Variants in PDE1C observed in about 807,000 individuals in gnomAD.
PDE1C encodes the protein dual specificity calcium/calmodulin-dependent 3',5'-cyclic nucleotide phosphodiesterase 1C.
A neutral mutation model predicts 93.1 loss-of-function variants in PDE1C; 62 were observed. That is an observed-to-expected ratio of 0.67 (90% CI 0.54 to 0.82). The LOEUF (loss-of-function observed/expected upper bound fraction) is 0.82, where lower values mean the gene tolerates loss of function less well. Ranked by LOEUF, PDE1C falls within the 40% of genes least tolerant of loss-of-function variation. PDE1C has a pLI of 0.00. For synonymous variants in PDE1C, 325 were observed against 310.1 expected, an observed-to-expected ratio of 1.05 and a Z score of -0.50; for missense variants, 742 against 884.6, an observed-to-expected ratio of 0.84 and a Z score of 2.04.
intron 1 of PDE1C, among the ~76,000 whole-genome samples, chr7:32,326,768 G>C (rs558494264): frequency 6.6e-6 from 1 of 152,312 alleles, no homozygotes; most frequent in South Asian, 2.1e-4. Flanking sequence ...GAGCAATGGG[G>C]TAGCAGCTGA....
At position 32,335,483 on chromosome 7, in the gene PDE1C, C is replaced by T. The variant is rs533075159; in HGVS notation, c.310+92339G>A. On this transcript the variant is annotated intron_variant, in intron 1 of 1. Coordinates refer to the PDE1C transcript ENST00000672256. ...TAAAGAATGGAAATTCATTTTCTCACAATTCTGGAGACTAGAAGTTCAAGA... is the reference window on the plus strand; with the variant it reads ...TAAAGAATGGAAATTCATTTTCTCATAATTCTGGAGACTAGAAGTTCAAGA... 1.3e-4 allele frequency among the ~76,000 whole-genome samples: 20 copies of T among 152,310 alleles called. No homozygotes were observed. In the East Asian group the frequency reaches 3.5e-3, roughly 26 times the overall value.
chr7:31,650,255 C>G, the PDE1C span, among the ~76,000 whole-genome samples: 1 of 152,136 alleles, frequency 6.6e-6, no homozygotes, highest in Non-Finnish European at 1.5e-5. Context: ...CGAAAGCAAA[C>G]AGTAAATTTT....
intron 2 of PDE1C, among the ~76,000 whole-genome samples, chr7:31,927,731 C>A (rs1032504625): frequency 2.0e-5 from 3 of 152,094 alleles, no homozygotes; most frequent in African/African-American, 2.4e-5. Flanking sequence ...AAACAGAAAG[C>A]AATAACATCA....
chr7:32,017,296 C>A (rs148971902), intron 2 of PDE1C, among the ~76,000 whole-genome samples: 81 of 152,170 alleles, frequency 5.3e-4, no homozygotes, highest in Non-Finnish European at 9.1e-4. Context: ...AACATCTGTA[C>A]ACAAAAGAAT....
At chr7:32,051,898 G>A (rs1265005184) in intron 1 of PDE1C, among the ~76,000 whole-genome samples, 1 of 152,086 alleles carries the variant, frequency 6.6e-6, no homozygotes, top group Non-Finnish European at 1.5e-5. Context: ...ACAAAATCTA[G>A]GTTCAAACCT....
At chr7:31,809,155 GGTT>G in intron 15 of PDE1C, 47 bp from the exon 16 acceptor site, 2 of 1,047,884 alleles carry the variant, frequency 1.9e-6, no homozygotes, top group Non-Finnish European at 3.0e-6. Flanking sequence ...CAGCTGAGGG[GGTT>G]GTTATAAACA....
At chr7:32,409,812 T>G (rs1785129013) in intron 1 of PDE1C, among the ~76,000 whole-genome samples, 2 of 151,698 alleles carry the variant, frequency 1.3e-5, no homozygotes, top group South Asian at 4.1e-4. Context: ...TAATATAGTA[T>G]TATTTTCCTT....
At chr7:31,856,420 G>A (rs1794024536) in intron 7 of PDE1C, among the ~76,000 whole-genome samples, 1 of 152,218 alleles carries the variant, frequency 6.6e-6, no homozygotes, top group South Asian at 2.1e-4. Context: ...GCTCATTTAA[G>A]AAAGCATGCA....
chr7:32,021,134 T>C (rs1413896848), intron 2 of PDE1C, among the ~76,000 whole-genome samples: 2 of 152,110 alleles, frequency 1.3e-5, no homozygotes, highest in African/African-American at 4.8e-5. Context: ...CCCCTCCTGA[T>C]AGTGGTTCTA....
intron 2 of PDE1C, among the ~76,000 whole-genome samples, chr7:32,006,385 A>G (rs1481453220): frequency 2.0e-5 from 3 of 152,204 alleles, no homozygotes; most frequent in Non-Finnish European, 2.9e-5. Flanking sequence ...CCCCCACACT[A>G]TACAATACAG....
At position 32,026,574 on chromosome 7, in the gene PDE1C, T is replaced by C. The variant is rs140109598; in HGVS notation, c.128+24980A>G. Reference sequence around the variant, plus strand: ...AATAGGAACTCTCCCTCATTGCTGGTAGGAATGCAAAATGGTACAGCCACT... The same window carrying C: ...AATAGGAACTCTCCCTCATTGCTGGCAGGAATGCAAAATGGTACAGCCACT... On this transcript the variant is annotated intron_variant, in intron 2 of 17. Transcript: ENST00000396191. 2.5e-3 allele frequency among the ~76,000 whole-genome samples: 384 copies of C among 152,270 alleles called. 1 individual carries two copies. The highest frequency in any genetic ancestry group is 9.0e-3 in the African/African-American group (374 of 41,564).
the PDE1C span, among the ~76,000 whole-genome samples, chr7:31,640,045 C>A: frequency 6.6e-6 from 1 of 152,048 alleles, no homozygotes; most frequent in Admixed American, 6.5e-5. Flanking sequence ...CATAAATATT[C>A]TTTTGCTTAT....
intron 3 of PDE1C, among the ~76,000 whole-genome samples, chr7:32,132,401 C>A (rs549556614): frequency 6.6e-6 from 1 of 152,092 alleles, no homozygotes; most frequent in Admixed American, 6.6e-5. Flanking sequence ...CAGTGGCTCA[C>A]GCCTGTAATC....
intron 2 of PDE1C, among the ~76,000 whole-genome samples, chr7:31,968,772 C>T (rs1441024206): frequency 6.6e-6 from 1 of 152,006 alleles, no homozygotes; most frequent in Non-Finnish European, 1.5e-5. Flanking sequence ...TGGTATGGTA[C>T]CAAAACAGAG....
the PDE1C span, among the ~76,000 whole-genome samples, chr7:31,697,709 G>A: frequency 6.6e-6 from 1 of 152,154 alleles, no homozygotes; most frequent in Admixed American, 6.5e-5. Flanking sequence ...GTGTATGTGT[G>A]TATTTTATAC....
Position 31,933,222 on chromosome 7 carries a change from TAA to T in PDE1C, c.129-52364_129-52363del, listed in dbSNP as rs201265988. Reference sequence around the variant, plus strand: ...TGTTCTGCACATGTAACCCAGAACTTAAAGTTTAATTTAAAAAAAAAGAAAAC... The same window carrying T: ...TGTTCTGCACATGTAACCCAGAACTTAGTTTAATTTAAAAAAAAAGAAAAC... On this transcript the variant is annotated intron_variant, in intron 2 of 17. Transcript: ENST00000396191. 7.2e-3 allele frequency among the ~76,000 whole-genome samples: 1,097 copies of T among 152,222 alleles called. 13 individuals are homozygous for T. Among genetic ancestry groups the T allele is most frequent in the African/African-American group, 0.025 (1,018 of 41,516 alleles).
the PDE1C span, among the ~76,000 whole-genome samples, chr7:31,699,724 G>C: frequency 6.6e-6 from 1 of 151,584 alleles, no homozygotes; most frequent in Non-Finnish European, 1.5e-5. Context: ...TTTTTCAATA[G>C]CATGTGTTAA....
intron 16 of PDE1C, chr7:31,789,891 C>A (rs1005515937): frequency 5.6e-6 from 6 of 1,066,834 alleles, no homozygotes; most frequent in Non-Finnish European, 6.8e-6. Context: ...TCCAGGATGT[C>A]CATTCTCATC....
At chr7:31,679,169 G>C in the PDE1C span, among the ~76,000 whole-genome samples, 1 of 152,270 alleles carries the variant, frequency 6.6e-6, no homozygotes, top group Admixed American at 6.5e-5. Flanking sequence ...GGGCAATCCA[G>C]AGCTGCCACT....
Sources: gnomAD v4.1 joint callset for allele counts (sites outside exome capture counted in the v4.1 genomes callset) on GRCh38, gnomAD v4.1.1 for gene constraint, MANE v1.5 for transcripts, NCBI Gene and HGNC (gene_info 2026-07-23, HGNC 2026-07-21) for gene names.